RNF213: variants seen among roughly 807,000 people sequenced by gnomAD.
RNF213 encodes the protein ring finger protein 213, also known as E3 ubiquitin-protein ligase RNF213.
Under a neutral mutation model 514.4 loss-of-function variants are expected in RNF213, and 341 were observed. That is an observed-to-expected ratio of 0.66 (90% confidence interval 0.61 to 0.73). RNF213 has a LOEUF of 0.73. RNF213 is among the 30% of genes least tolerant of loss of function. The pLI, the probability that RNF213 is intolerant of heterozygous loss-of-function variation, is 0.00. For missense variants in RNF213, 5,767 were observed against 6,615.6 expected, an observed-to-expected ratio of 0.87 and a Z score of 4.45; for synonymous variants, 2,655 against 2,658.2, an observed-to-expected ratio of 1.00 and a Z score of 0.04.
rs117692007 is a variant in RNF213 at position 80,393,563 on chromosome 17, G to A, written c.*65G>A. On this transcript the variant is annotated 3_prime_UTR_variant, in exon 68 of 68. Transcript: ENST00000582970. ...AGACTCCTCTCTCCTCGTCTGCGGC[G>A]TGGACTTGATCATGGACTGGTGCCT... 2,481 of 1,563,590 alleles carry A rather than the reference G, an allele frequency of 1.6e-3. 2 individuals are homozygous for A. The highest frequency in any genetic ancestry group is 1.9e-3 in the Non-Finnish European group (2,161 of 1,140,450).
In RNF213 at chr17:80,343,403, T is replaced by C; in HGVS notation, c.6183+78T>C. ...CATGTCTCTGCGTGACTCCTCCCCG[T>C]GTATAGAATTCCTTGTTTCCACACG... is the stretch of plus-strand genomic sequence containing the variant. On this transcript the variant is annotated intron_variant, in intron 27 of 67. Transcript: ENST00000582970. The surrounding 1 kb of genome is among the most constrained non-coding windows in gnomAD (Gnocchi z 4.3). 8.0e-7 allele frequency: 1 copy of C among 1,246,094 alleles called. No homozygotes were observed. The highest frequency in any genetic ancestry group is 1.2e-6 in the Non-Finnish European group (1 of 867,828). The allele number at this position is 1,246,094 out of a possible 1,614,324, so 77.2% of individuals were successfully genotyped here.
chr17:80,385,632 T>C lies in RNF213; in HGVS notation c.14539+11T>C, dbSNP rs1219364179. ...CGCTTGAGACGAACGGTTAGTATCCTGTCCCCTGTACCACTAAGCGTTCCA... is the reference window on the plus strand; with the variant it reads ...CGCTTGAGACGAACGGTTAGTATCCCGTCCCCTGTACCACTAAGCGTTCCA... On this transcript the variant is annotated intron_variant, in intron 61 of 67. Coordinates refer to ENST00000582970, the MANE Select transcript of RNF213 (RefSeq NM_001256071.3). The C allele has an allele frequency of 6.2e-7, 1 of 1,611,546 alleles. No homozygotes were observed. The highest frequency in any genetic ancestry group is 8.5e-7 in the Non-Finnish European group (1 of 1,177,680).
At position 80,345,754 on chromosome 17, in the gene RNF213, C is replaced by T. The variant is rs139873121; in HGVS notation, c.7419C>T (p.Ala2473=). 1.7e-4 allele frequency: 280 copies of T among 1,614,180 alleles called. No homozygotes were observed. Among genetic ancestry groups the T allele is most frequent in the African/African-American group, 1.7e-3 (130 of 75,040 alleles). Residue 2473 remains alanine (A), a synonymous_variant, in exon 29 of 68, where the codon GCC becomes GCT. Coordinates refer to ENST00000582970, the MANE Select transcript of RNF213 (RefSeq NM_001256071.3). The surrounding 1 kb of genome is among the most constrained non-coding windows in gnomAD (Gnocchi z 6.0). ...GGGAGGCTGAAAATGTGGCCTTCGC[C>T]AATAAGGACCAACATCAGTTGGACA... ...RVREAENVAF[A]NKDQHQLDTI... is the part of the protein sequence containing the mutation.
rs2078597822 is a variant in RNF213 at position 80,353,246 on chromosome 17, T to C, written c.10423+187T>C. 8.1e-6 allele frequency: 7 copies of C among 861,228 alleles called. No homozygotes were observed. The highest frequency in any genetic ancestry group is 1.3e-5 in the Non-Finnish European group (7 of 546,060). 53.3% of individuals were successfully genotyped at this position (861,228 alleles called of 1,614,324 possible). The stretch of plus-strand genomic sequence containing the variant: ...GAGCACCAGGGCCGAGCAGGTGCGC[T>C]TACCACAGGCTGAGGTAGAGCTCTG... On this transcript the variant is annotated intron_variant, in intron 33 of 67. Coordinates refer to ENST00000582970, the MANE Select transcript of RNF213 (RefSeq NM_001256071.3). The surrounding 1 kb of genome is among the most constrained non-coding windows in gnomAD (Gnocchi z 5.0).
At chr17:80,354,795 T>C in intron 36 of RNF213, 1 of 606,768 alleles carries the variant, frequency 1.6e-6, no homozygotes, top group South Asian at 2.0e-5. Flanking sequence ...ATTTCGTGTT[T>C]ACAGTTTTTC....
rs1241802640 is a variant in RNF213, at chr17:80,269,499, ATCTAT to A, written c.98-3736_98-3732del. ...ATTCTATCTATCCATCCATCCATTC[ATCTAT>A]TCTATCTATCCATCCATCCTCTTTC... On this transcript the variant is annotated intron_variant, in intron 2 of 67. Coordinates refer to ENST00000582970, the MANE Select transcript of RNF213 (RefSeq NM_001256071.3). Among the ~76,000 whole-genome samples, 69 of 148,976 alleles carry A rather than the reference ATCTAT, an allele frequency of 4.6e-4. 1 individual carries two copies. The highest frequency in any genetic ancestry group is 1.3e-3 in the Admixed American group (19 of 14,972).
At chr17:80,380,679 T>A in intron 55 of RNF213, 152 bp from the exon 56 acceptor site, 3 of 923,054 alleles carry the variant, frequency 3.3e-6, no homozygotes, top group Non-Finnish European at 3.4e-6. Context: ...TGAGAGAGAC[T>A]CTTAGGAACA....
intron 25 of RNF213, among the ~76,000 whole-genome samples, chr17:80,338,806 G>A (rs535117223): frequency 7.9e-5 from 12 of 151,460 alleles, no homozygotes; most frequent in Non-Finnish European, 1.8e-4. Context: ...AAATTAGCCG[G>A]GCATGGTGGC....
In RNF213 at chr17:80,369,523, C is replaced by T. The variant is rs139300471; in HGVS notation, c.12177C>T (p.Ala4059=). The T allele has an allele frequency of 6.2e-7, 1 of 1,613,810 alleles. No individual in the cohort carries two copies. Among genetic ancestry groups the T allele is most frequent in the Non-Finnish European group, 8.5e-7 (1 of 1,180,024 alleles). Residue 4059 remains alanine (A), a synonymous_variant, in exon 45 of 68, where the codon GCC becomes GCT. Coordinates refer to ENST00000582970, the MANE Select transcript of RNF213 (RefSeq NM_001256071.3). ...TAAGGGAAGCCATTGAAAAGCATGC[C>T]CGCTTCCGGCAGATGTGCAACAGTT... is the stretch of plus-strand genomic sequence containing the variant. ...QAHREAIEKH[A]RFRQMCNSFF...
intron 61 of RNF213, 100 bp from the exon 62 acceptor site, chr17:80,386,150 G>C: frequency 8.6e-7 from 1 of 1,165,430 alleles, no homozygotes. Context: ...GCTCCCGGCT[G>C]TGTGTGGAGC....
Position 80,345,967 on chromosome 17 carries a change from C to G in RNF213, c.7632C>G (p.Gly2544=). 1 of 1,614,192 alleles carries G rather than the reference C, an allele frequency of 6.2e-7. No individual in the cohort carries two copies. Among genetic ancestry groups the G allele is most frequent in the South Asian group, 1.1e-5 (1 of 91,086 alleles). ...MICRLESAGL[G]YRVSMEETAD... ...GCCGTTTGGAGTCAGCTGGTTTGGG[C>G]TACAGGGTTAGTATGGAGGAGACGG... The change falls in exon 29 of 68, where the codon GGC becomes GGG. Residue 2544 remains glycine, a synonymous_variant. Transcript: ENST00000582970. The surrounding 1 kb of genome is among the most constrained non-coding windows in gnomAD (Gnocchi z 6.0).
In RNF213 at chr17:80,334,028, C is replaced by A. The variant is rs770419808; in HGVS notation, c.4144-77C>A. ...TTGAGGGAGGGTGGGGCTGCTGGGA[C>A]GGTCAGTGCTTGCAGCTCACAGATT... On this transcript the variant is annotated intron_variant, in intron 21 of 67. Transcript: ENST00000582970. 5.3e-6 allele frequency: 8 copies of A among 1,505,464 alleles called. No homozygotes were observed. The South Asian group carries it at 6.0e-5, about 11-fold the overall frequency. The allele number at this position is 1,505,464 out of a possible 1,614,324, so 93.3% of individuals were successfully genotyped here. A position where few individuals can be genotyped will look rare whatever the true frequency, so the allele number is the denominator to read the frequency against.
chr17:80,279,553 G>C (rs9911199), intron 3 of RNF213, among the ~76,000 whole-genome samples: 1 of 151,694 alleles, frequency 6.6e-6, no homozygotes, highest in Non-Finnish European at 1.5e-5. Flanking sequence ...CAACCTCCGC[G>C]TGCAGGGTTC....
chr17:80,346,212 T>G lies in RNF213; in HGVS notation c.7877T>G (p.Met2626Arg), dbSNP rs1391518762. The change falls in exon 29 of 68, where the codon ATG becomes AGG. Residue 2626 changes from methionine to arginine, a missense_variant. Physicochemically the swap from Met to Arg is moderately conservative, Grantham distance 91. This residue lies in a region of RNF213 where 1,377 missense variants were observed against 1,635.2 expected (regional missense o/e 0.84). Coordinates refer to ENST00000582970, the MANE Select transcript of RNF213 (RefSeq NM_001256071.3). The surrounding 1 kb of genome is among the most constrained non-coding windows in gnomAD (Gnocchi z 8.1). Reference sequence around the variant, plus strand: ...GTCCTCTGCGCCTCTCAGGGTTTCATGAGGAAAACAGAAGATGAGTGCAGC... The same window carrying G: ...GTCCTCTGCGCCTCTCAGGGTTTCAGGAGGAAAACAGAAGATGAGTGCAGC... ...TEVLCASQGF[M>R]RKTEDECSFV... 1.2e-6 allele frequency: 2 copies of G among 1,614,154 alleles called. No individual in the cohort carries two copies. Among genetic ancestry groups the G allele is most frequent in the Non-Finnish European group, 1.7e-6 (2 of 1,180,026 alleles).
intron 20 of RNF213, among the ~76,000 whole-genome samples, chr17:80,329,073 A>G (rs1462872837): frequency 1.3e-5 from 2 of 152,222 alleles, no homozygotes; most frequent in Admixed American, 1.3e-4. Flanking sequence ...TTGACCTTTG[A>G]AAAGGAACCT....
At chr17:80,283,650 A>G (rs1431242491) in intron 3 of RNF213, among the ~76,000 whole-genome samples, 1 of 151,988 alleles carries the variant, frequency 6.6e-6, no homozygotes, top group Non-Finnish European at 1.5e-5. Context: ...AGCTGTTCCT[A>G]AGGTCTGAGC....
intron 11 of RNF213, among the ~76,000 whole-genome samples, chr17:80,304,001 C>G (rs2045271816): frequency 6.7e-6 from 1 of 150,142 alleles, no homozygotes; most frequent in Non-Finnish European, 1.5e-5. Context: ...TATAGTCAGA[C>G]CCATGGATGG....
intron 36 of RNF213, among the ~76,000 whole-genome samples, chr17:80,356,941 CAG>C (rs1470051326): frequency 6.9e-6 from 1 of 144,534 alleles, no homozygotes; most frequent in Non-Finnish European, 1.5e-5. Flanking sequence ...TTTTTCGAGA[CAG>C]AGTCTCACTC....
intron 15 of RNF213, chr17:80,315,731 AGG>A (rs2045898832): frequency 1.4e-5 from 1 of 68,976 alleles, no homozygotes; most frequent in Non-Finnish European, 3.2e-5. Context: ...GAGGTACTGG[AGG>A]TGATGGTGGT....
Sources: allele counts gnomAD v4.1 joint callset (sites outside exome capture counted in the v4.1 genomes callset), GRCh38; gene constraint gnomAD v4.1.1; regional missense constraint gnomAD v4.1.1; non-coding constraint Gnocchi (gnomAD v3.1); transcripts MANE v1.5; gene names NCBI Gene and HGNC (gene_info 2026-07-23, HGNC 2026-07-21).